SP4: variants seen among roughly 807,000 people sequenced by gnomAD.
The protein encoded by SP4 is Sp4 transcription factor, also known as transcription factor Sp4.
A neutral mutation model predicts 72.8 loss-of-function variants in SP4; 19 were observed. The observed-to-expected ratio is 0.26, with a 90% CI of 0.18 to 0.38. The LOEUF (loss-of-function observed/expected upper bound fraction) is 0.38. Among genes scored for constraint, SP4 ranks in the 10% least tolerant of loss-of-function variants. The pLI, the probability that SP4 is intolerant of heterozygous loss-of-function variation, is 1.00. For missense variants in SP4, 1,008 were observed against 926.3 expected, an observed-to-expected ratio of 1.09 and a Z score of -1.14; for synonymous variants, 395 against 333.1, an observed-to-expected ratio of 1.19 and a Z score of -2.02.
At chr7:21,454,251 C>T (rs114808488) in intron 3 of SP4, among the ~76,000 whole-genome samples, 2,480 of 152,214 alleles carry the variant, frequency 0.016, 52 homozygotes, top group East Asian at 0.076. Flanking sequence ...TTAAAGCAGA[C>T]AAGTTGTCCA....
At chr7:21,445,981 TATGTG>T (rs945232678) in intron 3 of SP4, among the ~76,000 whole-genome samples, 2 of 108,238 alleles carry the variant, frequency 1.8e-5, no homozygotes, top group African/African-American at 8.8e-5. Flanking sequence ...TTGTGTATCT[TATGTG>T]TATGTGTGTG....
At chr7:21,486,487 T>G (rs950838007) in intron 5 of SP4, among the ~76,000 whole-genome samples, 2 of 152,184 alleles carry the variant, frequency 1.3e-5, no homozygotes, top group Non-Finnish European at 2.9e-5. Flanking sequence ...CTTTTCCTAG[T>G]CCTTTCCTTG....
At chr7:21,497,348 G>A (rs1781736680) in intron 5 of SP4, among the ~76,000 whole-genome samples, 1 of 152,182 alleles carries the variant, frequency 6.6e-6, no homozygotes, top group Admixed American at 6.5e-5. Context: ...CCACAGAGGT[G>A]GGGAGTGGAA....
intron 3 of SP4, among the ~76,000 whole-genome samples, chr7:21,471,723 ACTC>A (rs1020784369): frequency 2.0e-5 from 3 of 152,148 alleles, no homozygotes; most frequent in Non-Finnish European, 2.9e-5. Context: ...AGTCCCAACT[ACTC>A]AGGAGGCTGA....
At chr7:21,463,133 A>G (rs1477632051) in intron 3 of SP4, among the ~76,000 whole-genome samples, 2 of 151,032 alleles carry the variant, frequency 1.3e-5, no homozygotes, top group Non-Finnish European at 2.9e-5. Flanking sequence ...TTCTAAAATG[A>G]GATTTTAAAA....
At chr7:21,471,262 G>T (rs543454917) in intron 3 of SP4, 44 of 364,724 alleles carry the variant, frequency 1.2e-4, no homozygotes, top group Non-Finnish European at 2.3e-4. Flanking sequence ...TTTTTGGGGA[G>T]CTAGGTCTGC....
chr7:21,447,007 A>G lies in SP4; in HGVS notation c.1678+16164A>G, dbSNP rs562374172. 4.6e-5 allele frequency among the ~76,000 whole-genome samples: 7 copies of G among 152,316 alleles called. No homozygotes were observed. The East Asian group carries it at 1.4e-3, about 29-fold the overall frequency. ...TTCATTCACTAGCGCCCTTGTGACT[A>G]GCCACATGTCCAGCCTTCAGCAACA... On this transcript the variant is annotated intron_variant, in intron 3 of 5. Coordinates refer to ENST00000222584, the MANE Select transcript of SP4 (RefSeq NM_003112.5).
intron 3 of SP4, among the ~76,000 whole-genome samples, chr7:21,460,016 G>C (rs139882045): frequency 3.3e-5 from 5 of 152,300 alleles, no homozygotes; most frequent in African/African-American, 1.2e-4. Flanking sequence ...AAAATTAAGA[G>C]CAGGATGAAT....
chr7:21,465,147 G>C (rs1784128571), intron 3 of SP4, among the ~76,000 whole-genome samples: 1 of 152,062 alleles, frequency 6.6e-6, no homozygotes, highest in African/African-American at 2.4e-5. Context: ...AGAATAAATA[G>C]AAATAACTAG....
At chr7:21,471,375 T>C (rs1370432828) in intron 3 of SP4, among the ~76,000 whole-genome samples, 1 of 152,124 alleles carries the variant, frequency 6.6e-6, no homozygotes, top group Middle Eastern at 3.2e-3. Context: ...TTTGAAGAGG[T>C]AGACTTAACA....
chr7:21,503,621 A>G (rs953915616), intron 5 of SP4, among the ~76,000 whole-genome samples: 3 of 152,172 alleles, frequency 2.0e-5, no homozygotes, highest in Non-Finnish European at 4.4e-5. Context: ...TTTTAATATT[A>G]TTTTGACCAC....
chr7:21,505,565 T>G lies in SP4; in HGVS notation c.2108-5457T>G, dbSNP rs769464078. Among the ~76,000 whole-genome samples the G allele has an allele frequency of 7.2e-4, 110 of 152,296 alleles. 1 individual carries two copies. In the Middle Eastern group the frequency reaches 0.027, roughly 38 times the overall value. ...TCTCCTAGTTATAGCATCTTCCCAT[T>G]CAAAGGCAAAGAGGTTCCCTAATCC... On this transcript the variant is annotated intron_variant, in intron 5 of 5. Coordinates refer to ENST00000222584, the MANE Select transcript of SP4 (RefSeq NM_003112.5).
Position 21,430,522 on chromosome 7 carries a change from C to G in SP4, c.1357C>G (p.Gln453Glu). The part of the protein sequence containing the change: ...NVQLQAVNPT[Q>E]VLIRAPTLTP... ...TCAACTTCAAGCAGTAAATCCGACTCAGGTGCTTATCAGGGCTCCAACTTT... is the reference window on the plus strand; with the variant it reads ...TCAACTTCAAGCAGTAAATCCGACTGAGGTGCTTATCAGGGCTCCAACTTT... The change falls in exon 3 of 6, where the codon CAG (glutamine) becomes GAG (glutamate). Residue 453 changes from glutamine (Q) to glutamate (E), a missense_variant. Gln to Glu is a conservative substitution (Grantham distance 29). Coordinates refer to ENST00000222584, the MANE Select transcript of SP4 (RefSeq NM_003112.5). 1 of 1,614,238 alleles carries G rather than the reference C, an allele frequency of 6.2e-7. No individual in the cohort carries two copies. The highest frequency in any genetic ancestry group is 8.5e-7 in the Non-Finnish European group (1 of 1,180,050).
chr7:21,475,510 C>T (rs1009950099), intron 3 of SP4, among the ~76,000 whole-genome samples: 2 of 151,992 alleles, frequency 1.3e-5, no homozygotes, highest in African/African-American at 4.8e-5. Context: ...CTCTGTCGCC[C>T]AGGCTGCACA....
chr7:21,481,785 T>G, intron 4 of SP4, 139 bp from the exon 5 acceptor site: 1 of 650,370 alleles, frequency 1.5e-6, no homozygotes, highest in Non-Finnish European at 2.7e-6. Flanking sequence ...AATTTTCTGA[T>G]TTGAACTACA....
chr7:21,492,248 A>G (rs1784998525), intron 5 of SP4, among the ~76,000 whole-genome samples: 1 of 152,228 alleles, frequency 6.6e-6, no homozygotes, highest in Non-Finnish European at 1.5e-5. Flanking sequence ...ACCAACCACT[A>G]CAGAGAGGGT....
intron 3 of SP4, among the ~76,000 whole-genome samples, chr7:21,437,499 T>G (rs2128392605): frequency 6.6e-6 from 1 of 152,292 alleles, no homozygotes; most frequent in South Asian, 2.1e-4. Flanking sequence ...TGATGTAGTT[T>G]GACATTTTTT....
chr7:21,449,952 A>T (rs1323130775), intron 3 of SP4, among the ~76,000 whole-genome samples: 1 of 152,138 alleles, frequency 6.6e-6, no homozygotes, highest in Non-Finnish European at 1.5e-5. Context: ...TAATTGTTCC[A>T]ATTGATACAG....
intron 3 of SP4, among the ~76,000 whole-genome samples, chr7:21,445,293 G>A (rs1244436704): frequency 6.6e-6 from 1 of 152,052 alleles, no homozygotes; most frequent in Admixed American, 6.6e-5. Flanking sequence ...CTTGCTTCTT[G>A]ATGAGGATGT....
Sources: gnomAD v4.1 joint callset for allele counts (sites outside exome capture counted in the v4.1 genomes callset) on GRCh38, gnomAD v4.1.1 for gene constraint, MANE v1.5 for transcripts, NCBI Gene and HGNC (gene_info 2026-07-23, HGNC 2026-07-21) for gene names.